The following ERBB4 variants were observed in gnomAD, a reference collection of about 807,000 sequenced individuals.
ERBB4 encodes the protein erb-b2 receptor tyrosine kinase 4.
In ERBB4, 42 loss-of-function variants were observed where a neutral mutation model predicts 158.0. That is an observed-to-expected ratio of 0.27 (90% CI 0.21 to 0.34). The LOEUF (loss-of-function observed/expected upper bound fraction) is 0.34. Ranked by LOEUF, ERBB4 falls within the 10% of genes least tolerant of loss-of-function variation. ERBB4 has a pLI of 1.00. For missense variants in ERBB4, 1,333 were observed against 1,624.1 expected (o/e 0.82, Z 3.08); for synonymous variants, 583 against 558.7 (o/e 1.04, Z -0.61).
intron 2 of ERBB4, among the ~76,000 whole-genome samples, chr2:211,996,971 C>T (rs1040269126): frequency 6.6e-6 from 1 of 152,144 alleles, no homozygotes; most frequent in African/African-American, 2.4e-5. Flanking sequence ...CAAACCATCA[C>T]GATGAGGACT....
chr2:212,335,451 A>G (rs1218372568), intron 1 of ERBB4, among the ~76,000 whole-genome samples: 1 of 152,038 alleles, frequency 6.6e-6, no homozygotes, highest in African/African-American at 2.4e-5. Context: ...TTTTTAATTC[A>G]AAAATTTAGA....
chr2:211,413,309 A>AAAAAAAAAAAAAAAAACACAC lies in ERBB4; in HGVS notation c.3135+7131_3135+7132insGTGTGTTTTTTTTTTTTTTTT, dbSNP rs1553524037. Among the ~76,000 whole-genome samples the AAAAAAAAAAAAAAAAACACAC allele has an allele frequency of 2.1e-4, 20 of 94,564 alleles. 1 individual carries two copies. Among genetic ancestry groups the AAAAAAAAAAAAAAAAACACAC allele is most frequent in the Non-Finnish European group, 1.2e-4 (5 of 42,608 alleles). 62.0% of individuals were successfully genotyped at this position (94,564 alleles called of 152,430 possible). A position where few individuals can be genotyped will look rare whatever the true frequency, so the allele number is the denominator to read the frequency against. ...GGACAGAGAGAGACCCTGTCTTAAA[A>AAAAAAAAAAAAAAAAACACAC]ACACACACACACACACACACACACA... is the stretch of plus-strand genomic sequence containing the variant. On this transcript the variant is annotated intron_variant, in intron 25 of 27. Transcript: ENST00000342788.
At chr2:211,904,678 ATTTAT>A (rs1465503728) in intron 3 of ERBB4, among the ~76,000 whole-genome samples, 12 of 152,252 alleles carry the variant, frequency 7.9e-5, no homozygotes, top group South Asian at 2.1e-4. Flanking sequence ...CAAAATTATA[ATTTAT>A]TTTATCAGAA....
chr2:211,433,096 A>G (rs1055071035), intron 20 of ERBB4, among the ~76,000 whole-genome samples: 1 of 152,208 alleles, frequency 6.6e-6, no homozygotes, highest in African/African-American at 2.4e-5. Flanking sequence ...TAGCAGTACC[A>G]TGGCGTACTT....
At chr2:211,961,246 T>C (rs1336996237) in intron 2 of ERBB4, among the ~76,000 whole-genome samples, 1 of 151,462 alleles carries the variant, frequency 6.6e-6, no homozygotes, top group Non-Finnish European at 1.5e-5. Flanking sequence ...TTCAGACTTA[T>C]TTTTTTTTCC....
chr2:212,358,606 C>T (rs1260749215), intron 1 of ERBB4, among the ~76,000 whole-genome samples: 1 of 151,470 alleles, frequency 6.6e-6, no homozygotes, highest in Non-Finnish European at 1.5e-5. Context: ...GTTTTCCATT[C>T]CTGGAAATTT....
intron 20 of ERBB4, among the ~76,000 whole-genome samples, chr2:211,469,912 G>C (rs55712017): frequency 2.0e-5 from 3 of 151,936 alleles, no homozygotes; most frequent in Non-Finnish European, 2.9e-5. Flanking sequence ...AGTGGGCTTG[G>C]GGGGGGAGAT....
chr2:212,206,552 T>C (rs1190404205), intron 1 of ERBB4, among the ~76,000 whole-genome samples: 1 of 151,484 alleles, frequency 6.6e-6, no homozygotes, highest in African/African-American at 2.4e-5. Flanking sequence ...ACATTTTTGG[T>C]TCACAAGCAC....
chr2:212,071,994 G>T lies in ERBB4; in HGVS notation c.234+52758C>A, dbSNP rs73069244. Among the ~76,000 whole-genome samples the T allele has an allele frequency of 3.2e-3, 488 of 152,098 alleles. 1 individual carries two copies. Among genetic ancestry groups the T allele is most frequent in the African/African-American group, 0.011 (468 of 41,538 alleles). On this transcript the variant is annotated intron_variant, in intron 2 of 27. Coordinates refer to ENST00000342788, the MANE Select transcript of ERBB4 (RefSeq NM_005235.3). ...GTATTGGTATTTGAATTGTACAGAA[G>T]AAGAAACTGAGGCTCAGGGAAATGA...
intron 1 of ERBB4, among the ~76,000 whole-genome samples, chr2:212,448,328 G>T (rs1424693216): frequency 6.6e-6 from 1 of 152,166 alleles, no homozygotes; most frequent in African/African-American, 2.4e-5. Context: ...AGAATGAAAT[G>T]TCTATATAAT....
At chr2:212,412,222 G>C (rs2091519704) in intron 1 of ERBB4, among the ~76,000 whole-genome samples, 1 of 152,106 alleles carries the variant, frequency 6.6e-6, no homozygotes, top group South Asian at 2.1e-4. Flanking sequence ...TACCAACTTT[G>C]GTAAACTATT....
intron 2 of ERBB4, among the ~76,000 whole-genome samples, chr2:212,056,361 A>G (rs1453146138): frequency 6.6e-6 from 1 of 152,238 alleles, no homozygotes; most frequent in Non-Finnish European, 1.5e-5. Context: ...TCTGCAGGGT[A>G]TTATCCAGGA....
intron 1 of ERBB4, among the ~76,000 whole-genome samples, chr2:212,524,328 T>C (rs929735233): frequency 3.9e-5 from 6 of 152,010 alleles, no homozygotes; most frequent in African/African-American, 1.2e-4. Flanking sequence ...TGTAGTGACC[T>C]CCAGGGATAG....
intron 3 of ERBB4, among the ~76,000 whole-genome samples, chr2:211,908,708 C>T (rs1029129199): frequency 4.6e-5 from 7 of 151,598 alleles, no homozygotes; most frequent in Non-Finnish European, 1.0e-4. Context: ...GATTACATTC[C>T]GTTTTATTAT....
chr2:211,582,289 C>T (rs2068128584), intron 19 of ERBB4, among the ~76,000 whole-genome samples: 1 of 152,068 alleles, frequency 6.6e-6, no homozygotes, highest in African/African-American at 2.4e-5. Context: ...TTGGTCTATT[C>T]CCACATAACA....
At chr2:211,612,281 C>T (rs1260266120) in intron 19 of ERBB4, among the ~76,000 whole-genome samples, 2 of 152,022 alleles carry the variant, frequency 1.3e-5, no homozygotes, top group African/African-American at 4.8e-5. Context: ...TATTCTGTCT[C>T]CTATGTGCTG....
intron 9 of ERBB4, among the ~76,000 whole-genome samples, chr2:211,706,047 A>C (rs1487573265): frequency 6.6e-6 from 1 of 152,014 alleles, no homozygotes; most frequent in Non-Finnish European, 1.5e-5. Flanking sequence ...CAAGACTTCC[A>C]GTTTTTTTTT....
chr2:211,397,977 A>T lies in ERBB4; in HGVS notation c.3136-9985T>A, dbSNP rs1351143529. On this transcript the variant is annotated intron_variant, in intron 25 of 27. Coordinates refer to ENST00000342788, the MANE Select transcript of ERBB4 (RefSeq NM_005235.3). ...GATGGAATTACTTCAGGGAACACTGAACTACAGAATACCACGTCATACCCA... is the reference window on the plus strand; with the variant it reads ...GATGGAATTACTTCAGGGAACACTGTACTACAGAATACCACGTCATACCCA... 1.3e-5 allele frequency among the ~76,000 whole-genome samples: 2 copies of T among 152,298 alleles called. 1 individual carries two copies. The highest frequency in any genetic ancestry group is 4.1e-4 in the South Asian group (2 of 4,826).
chr2:212,357,830 G>C (rs1052421070), intron 1 of ERBB4, among the ~76,000 whole-genome samples: 2 of 151,824 alleles, frequency 1.3e-5, no homozygotes, highest in South Asian at 2.1e-4. Context: ...AGTGTGGTGT[G>C]GGGGGACAAA....
Sources: gnomAD v4.1 joint callset for allele counts (sites outside exome capture counted in the v4.1 genomes callset) on GRCh38, gnomAD v4.1.1 for gene constraint, MANE v1.5 for transcripts, NCBI Gene and HGNC (gene_info 2026-07-23, HGNC 2026-07-21) for gene names.